ITFG1: variants seen among roughly 807,000 people sequenced by gnomAD.
The protein encoded by ITFG1 is integrin alpha FG-GAP repeat containing 1.
A neutral mutation model predicts 81.8 loss-of-function variants in ITFG1; 34 were observed. The observed-to-expected ratio is 0.42, with a 90% CI of 0.32 to 0.55. The LOEUF (loss-of-function observed/expected upper bound fraction) is 0.55. Ranked by LOEUF, ITFG1 falls within the 20% of genes least tolerant of loss-of-function variation. The pLI is 0.17. For missense variants in ITFG1, 672 were observed against 755.4 expected, an observed-to-expected ratio of 0.89 and a Z score of 1.29; for synonymous variants, 285 against 270.6, an observed-to-expected ratio of 1.05 and a Z score of -0.52.
chr16:47,368,652 T>G (rs981955725), intron 7 of ITFG1, among the ~76,000 whole-genome samples: 1 of 148,642 alleles, frequency 6.7e-6, no homozygotes, highest in African/African-American at 2.5e-5. Flanking sequence ...AAATCTCTCT[T>G]AAAATATATC....
rs778692446 is a variant in ITFG1 at position 47,313,819 on chromosome 16, T to G, written c.807A>C (p.Gly269=). 3.8e-6 allele frequency: 6 copies of G among 1,590,798 alleles called. No individual in the cohort carries two copies. In the South Asian group the frequency reaches 6.8e-5, roughly 18 times the overall value. ...VGQSAFADFD[G]DGHMDHLLPG... ...GCAGTAAATGATCCATGTGTCCATCTCCATCTGCCAAAAGAAACTTCAAGA... is the reference window on the plus strand; with the variant it reads ...GCAGTAAATGATCCATGTGTCCATCGCCATCTGCCAAAAGAAACTTCAAGA... The change falls in exon 9 of 18, where the codon GGA becomes GGC. Residue 269 remains glycine (G), a synonymous_variant. Coordinates refer to ENST00000320640, the MANE Select transcript of ITFG1 (RefSeq NM_030790.5).
chr16:47,271,291 T>C (rs546659812), intron 10 of ITFG1, among the ~76,000 whole-genome samples: 9 of 152,076 alleles, frequency 5.9e-5, no homozygotes, highest in Admixed American at 2.6e-4. Flanking sequence ...AATAACCCAA[T>C]TATTAAAAAA....
rs533310521 is a variant in ITFG1 at position 47,185,834 on chromosome 16, A to G, written c.1454-23170T>C. Among the ~76,000 whole-genome samples the G allele has an allele frequency of 4.6e-5, 7 of 152,330 alleles. No individual in the cohort carries two copies. In the South Asian group the frequency reaches 1.4e-3, roughly 32 times the overall value. Reference sequence around the variant, plus strand: ...ATGAATCCAGAAGCTGGTTTTCTGAAAAGATCAACAAAACTGATAGACCGC... The same window carrying G: ...ATGAATCCAGAAGCTGGTTTTCTGAGAAGATCAACAAAACTGATAGACCGC... On this transcript the variant is annotated intron_variant, in intron 14 of 17. Transcript: ENST00000320640.
intron 8 of ITFG1, among the ~76,000 whole-genome samples, chr16:47,362,161 G>T (rs2151585615): frequency 6.6e-6 from 1 of 152,082 alleles, no homozygotes; most frequent in East Asian, 1.9e-4. Flanking sequence ...CAAATTTACT[G>T]ATTCCCTCCA....
At chr16:47,336,482 C>T (rs753192147) in intron 8 of ITFG1, among the ~76,000 whole-genome samples, 16 of 152,160 alleles carry the variant, frequency 1.1e-4, no homozygotes, top group Admixed American at 2.0e-4. Flanking sequence ...TCTAACGTGT[C>T]TAGGGACTAT....
In ITFG1 at chr16:47,365,815, C is replaced by T. The variant is rs143860459; in HGVS notation, c.775G>A (p.Val259Ile). ...ILEKPQNMMV[V>I]GQSAFADFDG... is the part of the protein sequence containing the mutation. ...AAGTCTGCAAATGCTGACTGTCCAA[C>T]CACCATCATATTTTGAGGTTTTTCC... Residue 259 changes from valine to isoleucine, a missense_variant, in exon 8 of 18, where the codon GTT becomes ATT. Around this residue, in one of 3 missense-constraint regions of ITFG1, gnomAD observed 560 missense variants for 625.7 expected, o/e 0.90. Transcript: ENST00000320640. 356 of 1,603,764 alleles carry T rather than the reference C, an allele frequency of 2.2e-4. 1 individual carries two copies. In the African/African-American group the frequency reaches 4.2e-3, roughly 19 times the overall value.
chr16:47,419,931 T>G (rs1968923143), intron 6 of ITFG1, among the ~76,000 whole-genome samples: 1 of 151,276 alleles, frequency 6.6e-6, no homozygotes, highest in African/African-American at 2.4e-5. Context: ...GCAGACTCTT[T>G]CACCTTTTTT....
chr16:47,414,316 G>C (rs189318301), intron 6 of ITFG1, among the ~76,000 whole-genome samples: 1 of 151,324 alleles, frequency 6.6e-6, no homozygotes, highest in East Asian at 2.0e-4. Context: ...TTGAGGTCAG[G>C]AGTTCAAGAC....
intron 8 of ITFG1, among the ~76,000 whole-genome samples, chr16:47,334,327 C>T (rs1967675118): frequency 6.6e-6 from 1 of 151,976 alleles, no homozygotes; most frequent in African/African-American, 2.4e-5. Flanking sequence ...ACTTAAGAGG[C>T]TGAGGTGAGA....
intron 8 of ITFG1, among the ~76,000 whole-genome samples, chr16:47,352,741 A>G (rs950554848): frequency 6.6e-6 from 1 of 152,218 alleles, no homozygotes; most frequent in African/African-American, 2.4e-5. Flanking sequence ...TCATGCTGCT[A>G]TAAAGACACA....
intron 12 of ITFG1, among the ~76,000 whole-genome samples, chr16:47,244,605 G>T (rs574929938): frequency 3.4e-5 from 3 of 88,742 alleles, no homozygotes; most frequent in Admixed American, 9.4e-5. Flanking sequence ...GTGTGTGTGT[G>T]TGTGTGTGTG....
intron 13 of ITFG1, 123 bp downstream of exon 13, chr16:47,237,842 A>G (rs1043819320): frequency 3.5e-6 from 2 of 576,442 alleles, no homozygotes; most frequent in Non-Finnish European, 6.1e-6. Context: ...TGAGTAATGA[A>G]GGATTCTTTA....
intron 8 of ITFG1, among the ~76,000 whole-genome samples, chr16:47,353,849 T>C (rs911715269): frequency 6.6e-6 from 1 of 152,062 alleles, no homozygotes; most frequent in African/African-American, 2.4e-5. Context: ...AAGATCTTTA[T>C]AACAAAACTA....
intron 8 of ITFG1, among the ~76,000 whole-genome samples, chr16:47,356,048 T>TA (rs1307396734): frequency 6.6e-6 from 1 of 152,076 alleles, no homozygotes; most frequent in Non-Finnish European, 1.5e-5. Context: ...AGAAGGAGTG[T>TA]ATAGTGTTTA....
At chr16:47,298,563 T>C (rs1967021011) in intron 10 of ITFG1, among the ~76,000 whole-genome samples, 1 of 152,156 alleles carries the variant, frequency 6.6e-6, no homozygotes, top group Non-Finnish European at 1.5e-5. Flanking sequence ...GCAAAGACTC[T>C]GTACAATATT....
intron 8 of ITFG1, among the ~76,000 whole-genome samples, chr16:47,327,011 C>A (rs1179247259): frequency 6.6e-6 from 1 of 152,070 alleles, no homozygotes; most frequent in Non-Finnish European, 1.5e-5. Flanking sequence ...GAGCCCGCAT[C>A]GCCAAGTCAA....
chr16:47,169,858 T>C (rs746066989), intron 14 of ITFG1, among the ~76,000 whole-genome samples: 1 of 152,190 alleles, frequency 6.6e-6, no homozygotes, highest in South Asian at 2.1e-4. Flanking sequence ...GGAAGTTCCC[T>C]TCTATTCCTA....
chr16:47,240,894 G>A (rs1965924896), intron 12 of ITFG1, among the ~76,000 whole-genome samples: 2 of 152,120 alleles, frequency 1.3e-5, no homozygotes, highest in South Asian at 4.1e-4. Context: ...AGGGAAAAAA[G>A]GGAGCTGTTT....
chr16:47,358,582 C>T (rs962531587), intron 8 of ITFG1, among the ~76,000 whole-genome samples: 2 of 152,044 alleles, frequency 1.3e-5, no homozygotes, highest in African/African-American at 4.8e-5. Context: ...TCAAAATAAG[C>T]AAAAGTAATG....
Sources: gnomAD v4.1 joint callset for allele counts (sites outside exome capture counted in the v4.1 genomes callset) on GRCh38, gnomAD v4.1.1 for gene constraint, gnomAD v4.1.1 regional missense constraint, MANE v1.5 for transcripts, NCBI Gene and HGNC (gene_info 2026-07-23, HGNC 2026-07-21) for gene names.